Variants in RILPL2 observed in about 807,000 individuals in gnomAD.
RILPL2 encodes RILP-like protein 2.
RILPL2 carries 19 observed loss-of-function variants against 22.2 expected under a neutral mutation model. The observed-to-expected ratio is 0.86, with a 90% confidence interval of 0.60 to 1.25. The LOEUF is 1.25. RILPL2 is among the 50% of genes most tolerant of loss of function. The pLI, the probability that RILPL2 is intolerant of heterozygous loss-of-function variation, is 0.00. For synonymous variants in RILPL2, 123 were observed against 111.6 expected, an observed-to-expected ratio of 1.10 and a Z score of -0.64; for missense variants, 243 against 263.6, an observed-to-expected ratio of 0.92 and a Z score of 0.54.
downstream of RILPL2, among the ~76,000 whole-genome samples, chr12:123,410,221 C>T (rs1878929535): frequency 6.6e-6 from 1 of 152,192 alleles, no homozygotes; most frequent in African/African-American, 2.4e-5. Context: ...ATGTAATTGT[C>T]ATTGCGACTT....
chr12:123,413,865 C>CA (rs1397120883), downstream of RILPL2: 2 of 152,222 alleles, frequency 1.3e-5, no homozygotes, highest in African/African-American at 4.8e-5. Flanking sequence ...AAGGCCCCAC[C>CA]AGAGTAGCTA....
At chr12:123,422,233 A>AG (rs1879305351) in intron 3 of RILPL2, among the ~76,000 whole-genome samples, 1 of 151,610 alleles carries the variant, frequency 6.6e-6, no homozygotes, top group Non-Finnish European at 1.5e-5. Flanking sequence ...ATTAAAAAAA[A>AG]AAAAATTGGC....
At position 123,430,540 on chromosome 12, in the gene RILPL2, C is replaced by T; in HGVS notation, c.459G>A (p.Leu153=). The change falls in exon 2 of 4, where the codon CTG becomes CTA. Residue 153 remains leucine, a synonymous_variant. Coordinates refer to ENST00000280571, the MANE Select transcript of RILPL2 (RefSeq NM_145058.3). ...QERNKLKSQL[L]VVQEELQCYK... is the part of the protein sequence containing the mutation. ...AGCACTGCAGCTCTTCCTGCACCAC[C>T]AGGAGCTGCGACTTGAGTTTGTTGC... 6.2e-7 allele frequency: 1 copy of T among 1,609,004 alleles called. No homozygotes were observed. The highest frequency in any genetic ancestry group is 8.5e-7 in the Non-Finnish European group (1 of 1,177,028).
At chr12:123,417,845 A>G (rs1879162114) in intron 3 of RILPL2, among the ~76,000 whole-genome samples, 1 of 152,188 alleles carries the variant, frequency 6.6e-6, no homozygotes, top group Non-Finnish European at 1.5e-5. Context: ...TTGGCCTCCC[A>G]AAGTGCTGGG....
intron 2 of RILPL2, among the ~76,000 whole-genome samples, chr12:123,426,033 T>A (rs1186955212): frequency 6.6e-6 from 1 of 152,136 alleles, no homozygotes; most frequent in African/African-American, 2.4e-5. Flanking sequence ...CATCTTGAAC[T>A]CCTAGGCTCA....
intron 3 of RILPL2, among the ~76,000 whole-genome samples, chr12:123,422,738 C>T (rs747675249): frequency 6.6e-6 from 1 of 152,152 alleles, no homozygotes; most frequent in Non-Finnish European, 1.5e-5. Flanking sequence ...TCACTATTTA[C>T]CCTCTGTGAG....
chr12:123,418,307 T>C (rs148703828), intron 3 of RILPL2, among the ~76,000 whole-genome samples: 2 of 152,312 alleles, frequency 1.3e-5, no homozygotes, highest in African/African-American at 4.8e-5. Context: ...CACAGAAGCC[T>C]TCCAGGACTT....
intron 3 of RILPL2, among the ~76,000 whole-genome samples, chr12:123,417,074 G>A (rs76355364): frequency 0.062 from 9,354 of 152,092 alleles, 435 homozygotes; most frequent in East Asian, 0.24. Flanking sequence ...TGAGGCGGGC[G>A]GATTGCTTGA....
rs34372731 is a variant in RILPL2, at chr12:123,422,225, T to TAA, written c.605+817_605+818dup. Among the ~76,000 whole-genome samples the TAA allele has an allele frequency of 2.9e-3, 426 of 145,974 alleles. 4 individuals are homozygous for TAA. The highest frequency in any genetic ancestry group is 0.022 in the South Asian group (104 of 4,632). The stretch of plus-strand genomic sequence containing the variant: ...AGGCCGACAAATGATACCAGCTAAT[T>TAA]AAAAAAAAAAAAATTGGCCAGGCGC... On this transcript the variant is annotated intron_variant, in intron 3 of 3. Coordinates refer to ENST00000280571, the MANE Select transcript of RILPL2 (RefSeq NM_145058.3).
At chr12:123,418,756 C>CTTTTTTTTTTTTTTTTTTTTTTTT (rs1202023726) in intron 3 of RILPL2, among the ~76,000 whole-genome samples, 4 of 96,246 alleles carry the variant, frequency 4.2e-5, no homozygotes, top group African/African-American at 1.1e-4. Flanking sequence ...CTTTTTCTTT[C>CTTTTTTTTTTTTTTTTTTTTTTTT]TTTTTTTTTT....
intron 3 of RILPL2, among the ~76,000 whole-genome samples, chr12:123,422,146 G>A (rs1270538895): frequency 1.3e-5 from 2 of 151,524 alleles, no homozygotes; most frequent in African/African-American, 4.9e-5. Context: ...TGAGTAGCTG[G>A]GACCACAGGT....
In RILPL2 at chr12:123,436,162, C is replaced by T. The variant is rs756111115; in HGVS notation, c.259G>A (p.Glu87Lys). ...ALVNEGSLAL[E>K]ELKMERDHLR... ...TGGTCCCTCTCCATCTTCAGCTCCT[C>T]CAGCGCCAGGCTGCCCTCATTCACC... is the stretch of plus-strand genomic sequence containing the variant. Residue 87 changes from glutamate to lysine, a missense_variant, in exon 1 of 4, where the codon GAG becomes AAG. By Grantham distance (56) the Glu-to-Lys change is moderately conservative (BLOSUM62 1). Coordinates refer to ENST00000280571, the MANE Select transcript of RILPL2 (RefSeq NM_145058.3). This position sits in a 1 kb window ranked among gnomAD's most constrained non-coding sequence, Gnocchi z 6.7. The T allele has an allele frequency of 1.9e-6, 3 of 1,608,262 alleles. No individual in the cohort carries two copies. The highest frequency in any genetic ancestry group is 2.5e-6 in the Non-Finnish European group (3 of 1,177,712).
At position 123,436,366 on chromosome 12, in the gene RILPL2, C is replaced by T. The variant is rs1332838585; in HGVS notation, c.55G>A (p.Glu19Lys). 1 of 1,554,184 alleles carries T rather than the reference C, an allele frequency of 6.4e-7. No homozygotes were observed. Among genetic ancestry groups the T allele is most frequent in the East Asian group, 2.4e-5 (1 of 41,116 alleles). Residue 19 changes from glutamate (E) to lysine (K), a missense_variant, in exon 1 of 4, where the codon GAG (glutamate) becomes AAG (lysine). Physicochemically the swap from Glu to Lys is moderately conservative, Grantham distance 56. Coordinates refer to ENST00000280571, the MANE Select transcript of RILPL2 (RefSeq NM_145058.3). The surrounding 1 kb of genome is among the most constrained non-coding windows in gnomAD (Gnocchi z 6.7). ...EEEEEGEEDE[E>K]RDEVGPEGAL... is the part of the protein sequence containing the mutation. ...CCCTCGGGCCCAACCTCGTCCCTCT[C>T]CTCGTCCTCCTCTCCCTCCTCCTCT...
intron 3 of RILPL2, 141 bp from the exon 4 acceptor site, chr12:123,416,062 T>A: frequency 1.2e-6 from 1 of 848,052 alleles, no homozygotes; most frequent in Non-Finnish European, 2.0e-6. Context: ...CTCACGCCTG[T>A]AATCCTATGA....
rs567880863 is a variant in RILPL2, at chr12:123,435,982, AAAGAG to A, written c.339+95_339+99del. 5.3e-3 allele frequency: 7,648 copies of A among 1,435,024 alleles called. 25 individuals carry two copies. The highest frequency in any genetic ancestry group is 6.5e-3 in the Non-Finnish European group (7,096 of 1,089,698). 88.9% of individuals were successfully genotyped at this position (1,435,024 alleles called of 1,614,324 possible). On this transcript the variant is annotated intron_variant, in intron 1 of 3. Coordinates refer to ENST00000280571, the MANE Select transcript of RILPL2 (RefSeq NM_145058.3). ...ATCTCTTAAAAAAAGAAAAAAGAGA[AAAGAG>A]AAGAGAAAAGAAAAGGAAGGCGTCT...
At chr12:123,423,007 ATT>A (rs756942893) in intron 3 of RILPL2, 35 bp downstream of exon 3, 2 of 1,442,516 alleles carry the variant, frequency 1.4e-6, no homozygotes, top group South Asian at 1.1e-5. Context: ...TTGAGTTATT[ATT>A]TGGCGGGACC....
chr12:123,417,888 T>C (rs541309115), intron 3 of RILPL2, among the ~76,000 whole-genome samples: 85 of 146,806 alleles, frequency 5.8e-4, no homozygotes, highest in African/African-American at 1.8e-3. Flanking sequence ...CCTGGCCTGT[T>C]CTGGGAATTT....
chr12:123,431,713 C>A (rs892030433), intron 1 of RILPL2, among the ~76,000 whole-genome samples: 2 of 150,772 alleles, frequency 1.3e-5, no homozygotes, highest in African/African-American at 4.9e-5. Context: ...GTAGTCCCAG[C>A]TACTCAGGAG....
intron 2 of RILPL2, among the ~76,000 whole-genome samples, chr12:123,425,367 C>T (rs1365938760): frequency 2.0e-5 from 3 of 151,412 alleles, no homozygotes; most frequent in African/African-American, 7.3e-5. Flanking sequence ...TCAGTAGAGA[C>T]GGGGTTTCAC....
Sources: allele counts gnomAD v4.1 joint callset (sites outside exome capture counted in the v4.1 genomes callset), GRCh38; gene constraint gnomAD v4.1.1; non-coding constraint Gnocchi (gnomAD v3.1); transcripts MANE v1.5; gene names NCBI Gene and HGNC (gene_info 2026-07-23, HGNC 2026-07-21).